RNGTT: variants seen among roughly 807,000 people sequenced by gnomAD.
The protein encoded by RNGTT is mRNA-capping enzyme.
In RNGTT, 33 loss-of-function variants were observed where a neutral mutation model predicts 79.3. That is an observed-to-expected ratio of 0.42 (90% CI 0.32 to 0.56). The LOEUF (loss-of-function observed/expected upper bound fraction) is 0.56. Among genes scored for constraint, RNGTT ranks in the 20% least tolerant of loss-of-function variants. The pLI, the probability that RNGTT is intolerant of heterozygous loss-of-function variation, is 0.17. For missense variants in RNGTT, 497 were observed against 739.1 expected (o/e 0.67, Z 3.80); for synonymous variants, 222 against 235.9 (o/e 0.94, Z 0.54).
chr6:88,714,109 T>C lies in RNGTT; in HGVS notation c.1440-35690A>G, dbSNP rs543749985. On this transcript the variant is annotated intron_variant, in intron 13 of 15. Coordinates refer to ENST00000369485, the MANE Select transcript of RNGTT (RefSeq NM_003800.5). ...CTCATCTATAAAATGGAAATAACTGTCTTACCTCCCGAAGATACACTACTT... is the reference window on the plus strand; with the variant it reads ...CTCATCTATAAAATGGAAATAACTGCCTTACCTCCCGAAGATACACTACTT... The C allele has an allele frequency of 5.3e-5, 8 of 152,338 alleles. No homozygotes were observed. The East Asian group carries it at 1.5e-3, about 29-fold the overall frequency. 9.4% of individuals were successfully genotyped at this position (152,338 alleles called of 1,614,324 possible).
At chr6:88,733,040 C>G (rs928251846) in intron 13 of RNGTT, among the ~76,000 whole-genome samples, 1 of 152,040 alleles carries the variant, frequency 6.6e-6, no homozygotes, top group Middle Eastern at 3.2e-3. Context: ...TGAAGAATGC[C>G]TATGATAGGC....
intron 13 of RNGTT, among the ~76,000 whole-genome samples, chr6:88,739,482 T>C (rs1213866347): frequency 1.3e-5 from 2 of 151,828 alleles, no homozygotes; most frequent in African/African-American, 2.4e-5. Context: ...ACTGGAATAA[T>C]AGAGCAGAAA....
chr6:88,808,650 C>G (rs1229008403), intron 11 of RNGTT, among the ~76,000 whole-genome samples: 2 of 152,112 alleles, frequency 1.3e-5, no homozygotes, highest in Non-Finnish European at 2.9e-5. Flanking sequence ...GGATGTATGT[C>G]TGTAATGCCA....
intron 1 of RNGTT, among the ~76,000 whole-genome samples, chr6:88,953,652 T>G (rs1276088715): frequency 6.6e-6 from 1 of 152,140 alleles, no homozygotes; most frequent in Non-Finnish European, 1.5e-5. Context: ...AAAAAGATCA[T>G]TACCTAGGCA....
At chr6:88,740,816 A>G (rs989230955) in intron 13 of RNGTT, among the ~76,000 whole-genome samples, 2 of 152,150 alleles carry the variant, frequency 1.3e-5, no homozygotes, top group African/African-American at 4.8e-5. Flanking sequence ...TAGGTGCTGC[A>G]AACTACCATG....
At chr6:88,705,563 A>C (rs1776100863) in intron 13 of RNGTT, among the ~76,000 whole-genome samples, 1 of 152,158 alleles carries the variant, frequency 6.6e-6, no homozygotes, top group African/African-American at 2.4e-5. Context: ...AGAAATATGT[A>C]ATGAAGAAGC....
chr6:88,856,891 TA>T (rs1781862604), intron 8 of RNGTT, among the ~76,000 whole-genome samples: 1 of 152,180 alleles, frequency 6.6e-6, no homozygotes. Flanking sequence ...TGATGCAATA[TA>T]ATTTCTTATT....
At chr6:88,804,733 T>A (rs1440776168) in intron 11 of RNGTT, among the ~76,000 whole-genome samples, 2 of 152,060 alleles carry the variant, frequency 1.3e-5, no homozygotes, top group Admixed American at 1.3e-4. Flanking sequence ...AAAAAAAGTA[T>A]CCAAACTTGT....
intron 8 of RNGTT, among the ~76,000 whole-genome samples, chr6:88,875,823 T>C (rs1782502332): frequency 6.6e-6 from 1 of 152,230 alleles, no homozygotes. Context: ...TCAAAGCAAT[T>C]TTAAAATTCA....
At chr6:88,633,387 T>C (rs956741936) in intron 14 of RNGTT, among the ~76,000 whole-genome samples, 2 of 152,184 alleles carry the variant, frequency 1.3e-5, no homozygotes, top group African/African-American at 4.8e-5. Flanking sequence ...GTTCTTACTC[T>C]TCCCCCTGAA....
intron 12 of RNGTT, among the ~76,000 whole-genome samples, chr6:88,780,871 T>C (rs1779039900): frequency 6.6e-6 from 1 of 152,160 alleles, no homozygotes; most frequent in African/African-American, 2.4e-5. Flanking sequence ...GTATACATGA[T>C]ATATATTTGT....
At chr6:88,944,699 C>T (rs1265429594) in intron 1 of RNGTT, among the ~76,000 whole-genome samples, 4 of 152,146 alleles carry the variant, frequency 2.6e-5, no homozygotes, top group African/African-American at 7.2e-5. Context: ...AAGTTTAATA[C>T]ACATACTCCT....
chr6:88,924,328 G>A (rs1582136134), intron 4 of RNGTT, among the ~76,000 whole-genome samples: 1 of 152,224 alleles, frequency 6.6e-6, no homozygotes, highest in Non-Finnish European at 1.5e-5. Context: ...TTTTTTTCAT[G>A]TTTCTTGGCT....
chr6:88,858,631 T>C (rs1342060520), intron 8 of RNGTT, among the ~76,000 whole-genome samples: 5 of 152,220 alleles, frequency 3.3e-5, no homozygotes, highest in Non-Finnish European at 7.3e-5. Context: ...AGTAAAATTA[T>C]TATCCCCATT....
intron 2 of RNGTT, among the ~76,000 whole-genome samples, chr6:88,933,013 T>C (rs1278345856): frequency 1.3e-5 from 2 of 152,176 alleles, no homozygotes; most frequent in Non-Finnish European, 2.9e-5. Flanking sequence ...GCACCCCAAC[T>C]TTCCTCCAAA....
chr6:88,803,155 C>A (rs188702820), intron 11 of RNGTT, among the ~76,000 whole-genome samples: 1 of 152,276 alleles, frequency 6.6e-6, no homozygotes, highest in Non-Finnish European at 1.5e-5. Flanking sequence ...GAGGGCAGTT[C>A]AAATTTGAGT....
In RNGTT at chr6:88,610,731, G is replaced by A. The variant is rs1278267906; in HGVS notation, c.*1988C>T. 6.6e-6 allele frequency: 1 copy of A among 152,096 alleles called. No individual in the cohort carries two copies. The highest frequency in any genetic ancestry group is 1.5e-5 in the Non-Finnish European group (1 of 68,010). The allele number at this position is 152,096 out of a possible 1,614,324, so 9.4% of individuals were successfully genotyped here. On this transcript the variant is annotated 3_prime_UTR_variant, in exon 16 of 16. Coordinates refer to ENST00000369485, the MANE Select transcript of RNGTT (RefSeq NM_003800.5). The stretch of plus-strand genomic sequence containing the variant: ...CACAAAGACTTGAAGAAAATATCTG[G>A]GTGTATTAAAAGTGAGATGCTCTTT...
At chr6:88,937,786 C>A (rs1237496975) in intron 2 of RNGTT, among the ~76,000 whole-genome samples, 1 of 152,160 alleles carries the variant, frequency 6.6e-6, no homozygotes, top group East Asian at 1.9e-4. Context: ...ACCTTAATTT[C>A]TTCCTTGACC....
At chr6:88,963,314 TG>T in intron 1 of RNGTT, 31 bp downstream of exon 1, 1 of 1,610,122 alleles carries the variant, frequency 6.2e-7, no homozygotes, top group Non-Finnish European at 8.5e-7. Context: ...CGTTGGAGTG[TG>T]GGGATTCGAA....
Sources: gnomAD v4.1 joint callset for allele counts (sites outside exome capture counted in the v4.1 genomes callset) on GRCh38, gnomAD v4.1.1 for gene constraint, MANE v1.5 for transcripts, NCBI Gene and HGNC (gene_info 2026-07-23, HGNC 2026-07-21) for gene names.